Variants in KLF12 observed in about 807,000 individuals in gnomAD.
The protein encoded by KLF12 is Krueppel-like factor 12.
In KLF12, 9 loss-of-function variants were observed where a neutral mutation model predicts 37.8. The ratio of observed to expected loss-of-function variants is 0.24; its 90% CI spans 0.14 to 0.42. The LOEUF is 0.42. Ranked by LOEUF, KLF12 falls within the 10% of genes least tolerant of loss-of-function variation. The probability of loss-of-function intolerance (pLI) is 1.00; values close to 1 mark genes in which losing one functional copy is unlikely to be tolerated. For missense variants in KLF12, 411 were observed against 516.0 expected, an observed-to-expected ratio of 0.80 and a Z score of 1.97; for synonymous variants, 208 against 202.1, an observed-to-expected ratio of 1.03 and a Z score of -0.25.
chr13:74,156,843 G>A, the KLF12 span, among the ~76,000 whole-genome samples: 110,367 of 152,028 alleles, frequency 0.73, 41,590 homozygotes, highest in East Asian at 0.9. Flanking sequence ...ATTCCATCAT[G>A]TATATGTACC....
intron 3 of KLF12, among the ~76,000 whole-genome samples, chr13:73,861,956 G>A (rs182450445): frequency 1.2e-3 from 183 of 151,958 alleles, no homozygotes; most frequent in African/African-American, 4.2e-3. Context: ...ACAAATGTGT[G>A]TGTCTACGTG....
intron 1 of KLF12, among the ~76,000 whole-genome samples, chr13:74,115,566 G>A (rs567653473): frequency 1.1e-3 from 171 of 152,174 alleles, no homozygotes; most frequent in African/African-American, 3.8e-3. Flanking sequence ...TTAGCCAGGC[G>A]TGATGGCAGG....
intron 3 of KLF12, among the ~76,000 whole-genome samples, chr13:73,851,024 C>T (rs927663424): frequency 5.3e-5 from 8 of 152,146 alleles, no homozygotes; most frequent in Non-Finnish European, 7.3e-5. Flanking sequence ...GGTATCATCA[C>T]GAAAATTCTC....
chr13:74,261,031 G>A, the KLF12 span, among the ~76,000 whole-genome samples: 1 of 152,030 alleles, frequency 6.6e-6, no homozygotes, highest in African/African-American at 2.4e-5. Context: ...CCACACATTG[G>A]GTACGGTGCT....
At chr13:73,781,885 T>C (rs1307541519) in intron 5 of KLF12, among the ~76,000 whole-genome samples, 3 of 152,308 alleles carry the variant, frequency 2.0e-5, no homozygotes, top group African/African-American at 7.2e-5. Context: ...AATCAATTGA[T>C]GTTTTCACTC....
chr13:74,249,216 AG>A, the KLF12 span, among the ~76,000 whole-genome samples: 55 of 152,110 alleles, frequency 3.6e-4, no homozygotes, highest in Non-Finnish European at 6.2e-4. Context: ...AAAGCTACAA[AG>A]ATCAAGTGTT....
At chr13:73,763,893 C>A (rs999501374) in intron 6 of KLF12, among the ~76,000 whole-genome samples, 1 of 152,124 alleles carries the variant, frequency 6.6e-6, no homozygotes, top group African/African-American at 2.4e-5. Flanking sequence ...CCCATTTCCC[C>A]CTCTGTGAAA....
the KLF12 span, among the ~76,000 whole-genome samples, chr13:74,248,406 T>C: frequency 6.6e-6 from 1 of 152,236 alleles, no homozygotes; most frequent in African/African-American, 2.4e-5. Flanking sequence ...ATTTCTCTGT[T>C]GTTTGGCAAA....
upstream of KLF12, among the ~76,000 whole-genome samples, chr13:74,136,760 G>C (rs1878568483): frequency 2.0e-5 from 3 of 149,478 alleles, no homozygotes; most frequent in African/African-American, 5.1e-5. Context: ...AGTATCTAGA[G>C]TCTGGATACC....
chr13:73,698,096 G>A (rs1274630262), intron 7 of KLF12, among the ~76,000 whole-genome samples: 2 of 151,870 alleles, frequency 1.3e-5, no homozygotes, highest in African/African-American at 2.4e-5. Flanking sequence ...GTTTAAGGCC[G>A]CAGTGAGCTA....
intron 3 of KLF12, among the ~76,000 whole-genome samples, chr13:73,848,795 A>C (rs1469221768): frequency 6.6e-6 from 1 of 152,094 alleles, no homozygotes; most frequent in Non-Finnish European, 1.5e-5. Flanking sequence ...TTTGGGACCA[A>C]AGAAATCTTA....
the KLF12 span, among the ~76,000 whole-genome samples, chr13:74,265,756 C>G: frequency 6.6e-6 from 1 of 152,136 alleles, no homozygotes; most frequent in Non-Finnish European, 1.5e-5. Context: ...AGACAACTGG[C>G]TAAATACTCA....
chr13:74,212,867 T>C, the KLF12 span, among the ~76,000 whole-genome samples: 3 of 152,152 alleles, frequency 2.0e-5, no homozygotes, highest in Admixed American at 6.6e-5. Context: ...TTCTTTTTTT[T>C]CAGTTACAGT....
At chr13:73,730,315 C>A (rs190164054) in intron 6 of KLF12, among the ~76,000 whole-genome samples, 1 of 152,270 alleles carries the variant, frequency 6.6e-6, no homozygotes, top group African/African-American at 2.4e-5. Context: ...AAAAGAAGAA[C>A]AACAGCTTCA....
chr13:74,177,413 A>T, the KLF12 span, among the ~76,000 whole-genome samples: 1 of 152,210 alleles, frequency 6.6e-6, no homozygotes, highest in African/African-American at 2.4e-5. Context: ...AAAGCACTTT[A>T]TATATATTAC....
chr13:73,951,525 T>G (rs930177963), intron 2 of KLF12, among the ~76,000 whole-genome samples: 1 of 152,156 alleles, frequency 6.6e-6, no homozygotes, highest in Non-Finnish European at 1.5e-5. Flanking sequence ...TACAAAGCTG[T>G]GTAAGCCTAG....
Position 73,698,474 on chromosome 13 carries a change from A to G in KLF12, c.1028-2803T>C, listed in dbSNP as rs548778564. Among the ~76,000 whole-genome samples, 9 of 152,272 alleles carry G rather than the reference A, an allele frequency of 5.9e-5. No individual in the cohort carries two copies. The South Asian group carries it at 1.9e-3, about 32-fold the overall frequency. On this transcript the variant is annotated intron_variant, in intron 7 of 7. Transcript: ENST00000377669. ...TCTTCCTTAAAATGATACCAGTCATACTTTCATTTTTATGTTGGCTATTTA... is the reference window on the plus strand; with the variant it reads ...TCTTCCTTAAAATGATACCAGTCATGCTTTCATTTTTATGTTGGCTATTTA...
the KLF12 span, among the ~76,000 whole-genome samples, chr13:74,177,871 G>T: frequency 6.6e-6 from 1 of 152,206 alleles, no homozygotes; most frequent in East Asian, 1.9e-4. Context: ...TCCTACTCCA[G>T]AGGATTTTAC....
At chr13:74,101,484 A>G (rs1201406204) in intron 1 of KLF12, among the ~76,000 whole-genome samples, 1 of 152,140 alleles carries the variant, frequency 6.6e-6, no homozygotes, top group African/African-American at 2.4e-5. Context: ...CTCAGGATCA[A>G]TGAGCACTCA....
Sources: gnomAD v4.1 joint callset for allele counts (sites outside exome capture counted in the v4.1 genomes callset) on GRCh38, gnomAD v4.1.1 for gene constraint, MANE v1.5 for transcripts, NCBI Gene and HGNC (gene_info 2026-07-23, HGNC 2026-07-21) for gene names.